Variants in ZFP36L1 observed in about 807,000 individuals in gnomAD.
ZFP36L1 encodes mRNA decay activator protein ZFP36L1.
A neutral mutation model predicts 16.7 loss-of-function variants in ZFP36L1; 4 were observed. That is an observed-to-expected ratio of 0.24 (90% CI 0.12 to 0.55). The LOEUF (loss-of-function observed/expected upper bound fraction) is 0.55, where lower values mean the gene tolerates loss of function less well. Among genes scored for constraint, ZFP36L1 ranks in the 20% least tolerant of loss-of-function variants. The probability of loss-of-function intolerance (pLI) is 0.94; values close to 1 mark genes in which losing one functional copy is unlikely to be tolerated. For missense variants in ZFP36L1, 311 were observed against 449.2 expected (o/e 0.69, Z 2.78); for synonymous variants, 220 against 190.8 (o/e 1.15, Z -1.26).
At chr14:68,793,250 G>A, upstream of ZFP36L1, 1 of 1,034,696 alleles carries the variant, frequency 9.7e-7, no homozygotes, top group Admixed American at 5.3e-5. Context: ...CTTTCAAAAG[G>A]AAGAAGGGGG....
At chr14:68,792,330 A>C (rs564551179) in intron 1 of ZFP36L1, among the ~76,000 whole-genome samples, 1 of 152,230 alleles carries the variant, frequency 6.6e-6, no homozygotes, top group East Asian at 1.9e-4. Flanking sequence ...GGGCGGACTC[A>C]AGCCCCACTG....
At position 68,789,530 on chromosome 14, in the gene ZFP36L1, G is replaced by A; in HGVS notation, c.*3C>T. ...TAGGCAGGAGGTCCCTCCCTACCCTGGCTTAGTCATCTGAGATGGAAAGTC... is the reference window on the plus strand; with the variant it reads ...TAGGCAGGAGGTCCCTCCCTACCCTAGCTTAGTCATCTGAGATGGAAAGTC... On this transcript the variant is annotated 3_prime_UTR_variant, in exon 2 of 2. Coordinates refer to ENST00000439696, the MANE Select transcript of ZFP36L1 (RefSeq NM_004926.4). The surrounding 1 kb of genome is among the most constrained non-coding windows in gnomAD (Gnocchi z 4.5). 2 of 1,613,248 alleles carry A rather than the reference G, an allele frequency of 1.2e-6. No homozygotes were observed. Among genetic ancestry groups the A allele is most frequent in the South Asian group, 2.2e-5 (2 of 91,002 alleles).
In ZFP36L1 at chr14:68,787,893, T is replaced by C. The variant is rs1894955235; in HGVS notation, c.*1640A>G. On this transcript the variant is annotated 3_prime_UTR_variant, in exon 2 of 2. Coordinates refer to ENST00000439696, the MANE Select transcript of ZFP36L1 (RefSeq NM_004926.4). ...CAGAACCTCAAATCTGTGAGTGGAA[T>C]GTCTTGAGATGGGCACGTGGAAGTC... 1 of 152,516 alleles carries C rather than the reference T, an allele frequency of 6.6e-6. No individual in the cohort carries two copies. The highest frequency in any genetic ancestry group is 2.1e-4 in the South Asian group (1 of 4,820). 9.4% of individuals were successfully genotyped at this position (152,516 alleles called of 1,614,324 possible).
chr14:68,793,038 G>C lies in ZFP36L1; in HGVS notation c.-100C>G, dbSNP rs767174921. 6 of 1,599,740 alleles carry C rather than the reference G, an allele frequency of 3.8e-6. No homozygotes were observed. In the East Asian group the frequency reaches 6.7e-5, roughly 18 times the overall value. On this transcript the variant is annotated 5_prime_UTR_variant, in exon 1 of 2. Coordinates refer to ENST00000439696, the MANE Select transcript of ZFP36L1 (RefSeq NM_004926.4). The stretch of plus-strand genomic sequence containing the variant: ...CTCCTGTCTGGAGTCCCACACGCCA[G>C]TTCCCGGCGCCCCTCGCCTTTCTGA...
intron 1 of ZFP36L1, 57 bp downstream of exon 1, chr14:68,792,825 T>C (rs1282184849): frequency 3.7e-6 from 6 of 1,611,792 alleles, no homozygotes; most frequent in South Asian, 2.2e-5. Context: ...TTGGGGGTTC[T>C]TTCTTAAGGC....
At position 68,790,044 on chromosome 14, in the gene ZFP36L1, T is replaced by C; in HGVS notation, c.506A>G (p.Tyr169Cys). Residue 169 changes from tyrosine (Y) to cysteine (C), a missense_variant, in exon 2 of 2, where the codon TAC becomes TGC. By Grantham distance (194) the Tyr-to-Cys change is radical. This residue lies in a region of ZFP36L1 where 24 missense variants were observed against 88.8 expected (regional missense o/e 0.27). Transcript: ENST00000439696. ...GTGGATGAAGTGGCAGCGGGGCCCG[T>C]AGGGGCAAAAGCCGATGGTGTGGAA... Reference protein sequence around the residue: ...RTFHTIGFCPYGPRCHFIHNA... With the variant: ...RTFHTIGFCPCGPRCHFIHNA... The C allele has an allele frequency of 6.2e-7, 1 of 1,610,224 alleles. No individual in the cohort carries two copies. Among genetic ancestry groups the C allele is most frequent in the Admixed American group, 1.7e-5 (1 of 59,108 alleles).
Position 68,789,705 on chromosome 14 carries a change from A to G in ZFP36L1, c.845T>C (p.Met282Thr). 4 of 1,614,096 alleles carry G rather than the reference A, an allele frequency of 2.5e-6. No individual in the cohort carries two copies. Among genetic ancestry groups the G allele is most frequent in the Non-Finnish European group, 2.5e-6 (3 of 1,180,004 alleles). ...GTCAAACATGTGAGGGGACTCGGAC[A>G]TGGGCCGGAAGAGGAAGGTGGTCGG... is the stretch of plus-strand genomic sequence containing the variant. ...GSPTTFLFRP[M>T]SESPHMFDSP... The change falls in exon 2 of 2, where the codon ATG becomes ACG. Residue 282 changes from methionine to threonine, a missense_variant. By Grantham distance (81) the Met-to-Thr change is moderately conservative (BLOSUM62 -1). Transcript: ENST00000439696. This position sits in a 1 kb window ranked among gnomAD's most constrained non-coding sequence, Gnocchi z 4.5.
In ZFP36L1 at chr14:68,788,380, T is replaced by G. The variant is rs1894968906; in HGVS notation, c.*1153A>C. 6.5e-6 allele frequency: 1 copy of G among 152,712 alleles called. No individual in the cohort carries two copies. Among genetic ancestry groups the G allele is most frequent in the Non-Finnish European group, 1.5e-5 (1 of 68,038 alleles). The allele number at this position is 152,712 out of a possible 1,614,324, so 9.5% of individuals were successfully genotyped here. Reference sequence around the variant, plus strand: ...GTTTTGATAAGTTAAATAAGCTTTTTTATATTGATGTGCAGTGACAAGCAA... The same window carrying G: ...GTTTTGATAAGTTAAATAAGCTTTTGTATATTGATGTGCAGTGACAAGCAA... On this transcript the variant is annotated 3_prime_UTR_variant, in exon 2 of 2. Coordinates refer to ENST00000439696, the MANE Select transcript of ZFP36L1 (RefSeq NM_004926.4).
chr14:68,792,760 G>T (rs563942391), intron 1 of ZFP36L1, 122 bp downstream of exon 1: 1 of 1,387,186 alleles, frequency 7.2e-7, no homozygotes, highest in Admixed American at 1.7e-5. Flanking sequence ...TGCCGGAGGA[G>T]AAAAGAATCA....
Position 68,787,971 on chromosome 14 carries a change from T to C in ZFP36L1, c.*1562A>G, listed in dbSNP as rs955122098. 2 of 152,368 alleles carry C rather than the reference T, an allele frequency of 1.3e-5. No individual in the cohort carries two copies. Among genetic ancestry groups the C allele is most frequent in the African/African-American group, 2.4e-5 (1 of 41,356 alleles). The allele number at this position is 152,368 out of a possible 1,614,324, so 9.4% of individuals were successfully genotyped here. A position where few individuals can be genotyped will look rare whatever the true frequency, so the allele number is the denominator to read the frequency against. ...CCTTTTAGAAGCTATACATAAAAAG[T>C]TGTTTTCCTTCTGTACTGTCACAGA... On this transcript the variant is annotated 3_prime_UTR_variant, in exon 2 of 2. Coordinates refer to ENST00000439696, the MANE Select transcript of ZFP36L1 (RefSeq NM_004926.4).
upstream of ZFP36L1, chr14:68,794,070 C>T (rs74060166): frequency 5.2e-3 from 2,341 of 448,796 alleles, 57 homozygotes; most frequent in African/African-American, 0.045. Context: ...CCCCTTCCTC[C>T]CAGAAAAAGC....
chr14:68,787,681 T>G lies in ZFP36L1; in HGVS notation c.*1852A>C, dbSNP rs903444279. 1.3e-5 allele frequency: 2 copies of G among 152,590 alleles called. No homozygotes were observed. Among genetic ancestry groups the G allele is most frequent in the Non-Finnish European group, 2.9e-5 (2 of 68,038 alleles). The allele number at this position is 152,590 out of a possible 1,614,324, so 9.5% of individuals were successfully genotyped here. On this transcript the variant is annotated 3_prime_UTR_variant, in exon 2 of 2. Transcript: ENST00000439696. ...TCAATGTTTCTTGAAAAAACGGGGT[T>G]TATTGATTTTTAAACTGCAAATAGT...
intron 1 of ZFP36L1, among the ~76,000 whole-genome samples, chr14:68,790,822 CA>C (rs1233599250): frequency 6.6e-6 from 1 of 152,150 alleles, no homozygotes; most frequent in East Asian, 1.9e-4. Flanking sequence ...TTCTTCAACT[CA>C]AAATATCTCA....
At chr14:68,792,812 C>G (rs541032156) in intron 1 of ZFP36L1, 70 bp downstream of exon 1, 5 of 1,596,040 alleles carry the variant, frequency 3.1e-6, no homozygotes, top group Middle Eastern at 1.7e-4. Context: ...AAGACCCAAA[C>G]TTTTGGGGGT....
upstream of ZFP36L1, chr14:68,796,007 C>T (rs1895245230): frequency 1.5e-6 from 2 of 1,324,834 alleles, no homozygotes; most frequent in Non-Finnish European, 2.0e-6. Context: ...CGTCCCCCGC[C>T]AACTTCGCGG....
At chr14:68,793,979 CCAG>C (rs1198432519), upstream of ZFP36L1, 4 of 967,302 alleles carry the variant, frequency 4.1e-6, no homozygotes, top group African/African-American at 1.8e-5. Flanking sequence ...GTTTGTTTTA[CCAG>C]GCCTAGGCGT....
At chr14:68,793,551 G>A, upstream of ZFP36L1, 7 of 985,870 alleles carry the variant, frequency 7.1e-6, no homozygotes, top group Non-Finnish European at 7.2e-6. Context: ...TTCTCTTTTT[G>A]CCAGCGGGAG....
chr14:68,794,686 G>T (rs1327694931), upstream of ZFP36L1: 1 of 152,372 alleles, frequency 6.6e-6, no homozygotes, highest in Non-Finnish European at 1.5e-5. Flanking sequence ...CGTTTCTTTG[G>T]AAAGGACGGG....
chr14:68,793,373 G>C (rs1895162332), upstream of ZFP36L1: 1 of 1,004,520 alleles, frequency 1.0e-6, no homozygotes, highest in Non-Finnish European at 1.2e-6. Context: ...TTCCCTACCC[G>C]GCGCTTCAGG....
Sources: gnomAD v4.1 joint callset for allele counts (sites outside exome capture counted in the v4.1 genomes callset) on GRCh38, gnomAD v4.1.1 for gene constraint, gnomAD v4.1.1 regional missense constraint, Gnocchi (gnomAD v3.1) non-coding constraint, MANE v1.5 for transcripts, NCBI Gene and HGNC (gene_info 2026-07-23, HGNC 2026-07-21) for gene names.